The following UVRAG variants were observed in gnomAD, a reference collection of about 807,000 sequenced individuals.
UVRAG encodes the protein UV radiation resistance-associated gene protein.
Under a neutral mutation model 78.0 loss-of-function variants are expected in UVRAG, and 19 were observed. The observed-to-expected ratio is 0.24, with a 90% CI of 0.17 to 0.36. The LOEUF is 0.36. Ranked by LOEUF, UVRAG falls within the 10% of genes least tolerant of loss-of-function variation. UVRAG has a pLI of 1.00. For missense variants in UVRAG, 740 were observed against 853.8 expected (o/e 0.87, Z 1.66); for synonymous variants, 323 against 324.6 (o/e 1.00, Z 0.05).
At chr11:75,819,412 A>G (rs111241199) in intron 1 of UVRAG, among the ~76,000 whole-genome samples, 2 of 151,844 alleles carry the variant, frequency 1.3e-5, no homozygotes, top group African/African-American at 4.8e-5. Flanking sequence ...CAGTGGTGCA[A>G]TCTCCTCTCA....
chr11:76,033,702 C>T (rs760395729), intron 12 of UVRAG, among the ~76,000 whole-genome samples: 31 of 152,142 alleles, frequency 2.0e-4, no homozygotes, highest in East Asian at 5.8e-4. Context: ...GAAGCTGTTA[C>T]AGAAGAACAA....
intron 12 of UVRAG, among the ~76,000 whole-genome samples, chr11:76,021,995 A>T (rs933381018): frequency 1.3e-5 from 2 of 152,210 alleles, no homozygotes; most frequent in East Asian, 3.8e-4. Flanking sequence ...CGAAGGCTGC[A>T]GTGAGCCAAG....
chr11:76,004,591 T>C (rs545369593), intron 9 of UVRAG, among the ~76,000 whole-genome samples: 78 of 142,308 alleles, frequency 5.5e-4, no homozygotes, highest in African/African-American at 2.0e-3. Flanking sequence ...CTTTTTTTAA[T>C]GTGGAGAAAC....
intron 5 of UVRAG, among the ~76,000 whole-genome samples, chr11:75,899,540 AG>A (rs1210665240): frequency 2.0e-5 from 3 of 152,132 alleles, no homozygotes; most frequent in Non-Finnish European, 4.4e-5. Flanking sequence ...AAGATGGCAT[AG>A]GTGGTGAATA....
chr11:76,018,075 A>G, intron 12 of UVRAG, among the ~76,000 whole-genome samples: 1 of 152,180 alleles, frequency 6.6e-6, no homozygotes, highest in East Asian at 1.9e-4. Flanking sequence ...TTTATAATGC[A>G]TGGTTCTAAC....
At chr11:75,965,986 C>G (rs1949015374) in intron 7 of UVRAG, among the ~76,000 whole-genome samples, 1 of 152,100 alleles carries the variant, frequency 6.6e-6, no homozygotes, top group African/African-American at 2.4e-5. Flanking sequence ...CATCATTTCT[C>G]TGTTAAATAT....
intron 3 of UVRAG, among the ~76,000 whole-genome samples, chr11:75,877,423 C>T (rs1428068615): frequency 1.3e-5 from 2 of 151,796 alleles, no homozygotes; most frequent in Non-Finnish European, 2.9e-5. Context: ...CCAGTAGGGG[C>T]GGCCGGGCAG....
intron 1 of UVRAG, among the ~76,000 whole-genome samples, chr11:75,818,667 C>T (rs548608996): frequency 1.8e-3 from 275 of 152,006 alleles, no homozygotes; most frequent in Non-Finnish European, 3.1e-3. Flanking sequence ...TTAGTAGAGA[C>T]GGGGTTTCAT....
At chr11:76,054,237 C>T (rs7131227) in intron 12 of UVRAG, among the ~76,000 whole-genome samples, 9 of 152,192 alleles carry the variant, frequency 5.9e-5, no homozygotes, top group Admixed American at 2.0e-4. Flanking sequence ...TCCTCTTCCT[C>T]TCACACCTCA....
chr11:75,817,229 G>T (rs531929287), intron 1 of UVRAG, among the ~76,000 whole-genome samples: 2 of 152,278 alleles, frequency 1.3e-5, no homozygotes, highest in South Asian at 4.1e-4. Context: ...CCCTGGAGAA[G>T]TCCTAAGGAG....
At chr11:75,930,480 C>T (rs1271628215) in intron 6 of UVRAG, among the ~76,000 whole-genome samples, 1 of 152,130 alleles carries the variant, frequency 6.6e-6, no homozygotes, top group Non-Finnish European at 1.5e-5. Flanking sequence ...GTCTAACTTA[C>T]TGATTCATTG....
chr11:75,920,269 C>T (rs1168800092), intron 6 of UVRAG, among the ~76,000 whole-genome samples: 3 of 151,208 alleles, frequency 2.0e-5, no homozygotes, highest in Non-Finnish European at 4.4e-5. Flanking sequence ...TCGTGATCCA[C>T]CTGCCCCGGC....
At chr11:75,882,302 C>G (rs1192130975) in intron 4 of UVRAG, among the ~76,000 whole-genome samples, 2 of 151,924 alleles carry the variant, frequency 1.3e-5, no homozygotes, top group Non-Finnish European at 2.9e-5. Context: ...TCACTTGAAG[C>G]CAGGAGTTTG....
At chr11:76,112,555 A>T (rs933118538) in intron 13 of UVRAG, among the ~76,000 whole-genome samples, 2 of 152,158 alleles carry the variant, frequency 1.3e-5, no homozygotes, top group Non-Finnish European at 2.9e-5. Flanking sequence ...TGGCTAAAGA[A>T]GCTTGTAGGA....
rs187044480 is a variant in UVRAG at position 75,984,663 on chromosome 11, A to G, written c.826+1150A>G. On this transcript the variant is annotated intron_variant, in intron 8 of 14. Transcript: ENST00000356136. Reference sequence around the variant, plus strand: ...CCTCACGCTTCCTTCCATTTACCACATCTCCAGCCAGACTAGCCACTGCCA... The same window carrying G: ...CCTCACGCTTCCTTCCATTTACCACGTCTCCAGCCAGACTAGCCACTGCCA... Among the ~76,000 whole-genome samples the G allele has an allele frequency of 1.4e-4, 21 of 152,220 alleles. No homozygotes were observed. The East Asian group carries it at 3.5e-3, about 25-fold the overall frequency.
chr11:75,849,032 G>T (rs1481344574), intron 1 of UVRAG, among the ~76,000 whole-genome samples: 1 of 152,072 alleles, frequency 6.6e-6, no homozygotes, highest in Non-Finnish European at 1.5e-5. Context: ...TACAAAATTA[G>T]CCAAGTGTGG....
chr11:76,052,149 C>T (rs1422636029), intron 12 of UVRAG, among the ~76,000 whole-genome samples: 1 of 152,188 alleles, frequency 6.6e-6, no homozygotes, highest in Non-Finnish European at 1.5e-5. Context: ...CTGTCTAACC[C>T]ACTGGACTTT....
chr11:75,998,687 C>T (rs917545826), intron 8 of UVRAG, among the ~76,000 whole-genome samples: 1 of 152,250 alleles, frequency 6.6e-6, no homozygotes, highest in South Asian at 2.1e-4. Flanking sequence ...TTGGGGGCTG[C>T]TGTGTAATAA....
chr11:75,961,519 A>G lies in UVRAG; in HGVS notation c.669A>G (p.Lys223=). The G allele has an allele frequency of 6.2e-7, 1 of 1,606,182 alleles. No individual in the cohort carries two copies. Among genetic ancestry groups the G allele is most frequent in the Non-Finnish European group, 8.5e-7 (1 of 1,178,208 alleles). Residue 223 remains lysine (K), a synonymous_variant, in exon 7 of 15, where the codon AAA becomes AAG. Coordinates refer to ENST00000356136, the MANE Select transcript of UVRAG (RefSeq NM_003369.4). ...VQKIGKEIEE[K]LRLTSTSNEL... ...AAATTGGAAAGGAAATTGAAGAAAAACTAAGACTCACATCTACAAGCAATG... is the reference window on the plus strand; with the variant it reads ...AAATTGGAAAGGAAATTGAAGAAAAGCTAAGACTCACATCTACAAGCAATG...
Sources: gnomAD v4.1 joint callset for allele counts (sites outside exome capture counted in the v4.1 genomes callset) on GRCh38, gnomAD v4.1.1 for gene constraint, MANE v1.5 for transcripts, NCBI Gene and HGNC (gene_info 2026-07-23, HGNC 2026-07-21) for gene names.